SMG1: variants seen among roughly 807,000 people sequenced by gnomAD.
SMG1 encodes SMG1 nonsense mediated mRNA decay associated PI3K related kinase, also known as serine/threonine-protein kinase SMG1.
A neutral mutation model predicts 419.9 loss-of-function variants in SMG1; 22 were observed. The ratio of observed to expected loss-of-function variants is 0.05; its 90% confidence interval spans 0.04 to 0.07. SMG1 has a LOEUF of 0.07. Among genes scored for constraint, SMG1 ranks in the 10% least tolerant of loss-of-function variants. The pLI is 1.00. For missense variants in SMG1, 3,185 were observed against 4,342.0 expected (o/e 0.73, Z 7.49); for synonymous variants, 1,538 against 1,553.5 (o/e 0.99, Z 0.23).
rs901369449 is a variant in SMG1 at position 18,829,643 on chromosome 16, G to A, written c.9246C>T (p.Ile3082=). ...TCACAAAGTCAGCTGTGAATGCCTT[G>A]ATAGGTTTGGCCATTTGGTCTTCAC... The part of the protein sequence containing the change: ...CFSEDQMAKP[I]KAFTADFVRQ... Residue 3082 remains isoleucine, a synonymous_variant, in exon 54 of 63, where the codon ATC becomes ATT. Transcript: ENST00000446231. 2.7e-5 allele frequency: 43 copies of A among 1,613,884 alleles called. No homozygotes were observed. The highest frequency in any genetic ancestry group is 4.0e-5 in the African/African-American group (3 of 74,932).
intron 1 of SMG1, among the ~76,000 whole-genome samples, chr16:18,919,515 T>C (rs2038101445): frequency 6.6e-6 from 1 of 151,310 alleles, no homozygotes; most frequent in African/African-American, 2.4e-5. Flanking sequence ...TCCCAGCTAC[T>C]CAGGAGGATG....
At chr16:18,877,852 T>G (rs2036209016) in intron 11 of SMG1, 1 of 152,192 alleles carries the variant, frequency 6.6e-6, no homozygotes, top group African/African-American at 2.4e-5. Context: ...ATCATGGGCA[T>G]TTTTTCACAT....
chr16:18,859,064 T>G lies in SMG1; in HGVS notation c.4071A>C (p.Ser1357=). 4 of 1,534,336 alleles carry G rather than the reference T, an allele frequency of 2.6e-6. No homozygotes were observed. Among genetic ancestry groups the G allele is most frequent in the Non-Finnish European group, 3.5e-6 (4 of 1,145,882 alleles). Residue 1357 remains serine (S), a synonymous_variant, in exon 28 of 63, where the codon TCA becomes TCC. Coordinates refer to ENST00000446231, the MANE Select transcript of SMG1 (RefSeq NM_015092.5). ...PVLSTLQLYC[S]SALENTVSNR... is the part of the protein sequence containing the mutation. ...TAGAAACTGTGTTCTCCAAAGCAGA[T>G]GAGCAATACAGCTGCAAGGTACTTA...
intron 1 of SMG1, among the ~76,000 whole-genome samples, chr16:18,897,687 A>G (rs1385213109): frequency 1.3e-5 from 2 of 152,154 alleles, no homozygotes; most frequent in Non-Finnish European, 2.9e-5. Flanking sequence ...GCCAAGGGTA[A>G]AAGTGTGTCC....
intron 50 of SMG1, among the ~76,000 whole-genome samples, chr16:18,833,849 T>C (rs1441981544): frequency 1.3e-5 from 2 of 152,320 alleles, no homozygotes; most frequent in South Asian, 4.1e-4. Context: ...CTTTCTTTAC[T>C]CAGCATAATT....
chr16:18,892,990 A>T (rs940769375), intron 3 of SMG1, among the ~76,000 whole-genome samples: 5 of 152,240 alleles, frequency 3.3e-5, no homozygotes, highest in Admixed American at 1.3e-4. Context: ...GTCCATTCCA[A>T]ACTGTTTTCA....
chr16:18,836,667 C>G, intron 46 of SMG1, 135 bp from the exon 47 acceptor site: 2 of 839,348 alleles, frequency 2.4e-6, no homozygotes. Flanking sequence ...CCTCAAATGT[C>G]CCTTACTTCT....
Position 18,884,841 on chromosome 16 carries a change from TA to T in SMG1, c.1021+248del. 3 of 477,996 alleles carry T rather than the reference TA, an allele frequency of 6.3e-6. No homozygotes were observed. In the East Asian group the frequency reaches 1.2e-4, roughly 18 times the overall value. The allele number at this position is 477,996 out of a possible 1,614,324, so 29.6% of individuals were successfully genotyped here. On this transcript the variant is annotated intron_variant, in intron 8 of 62. Transcript: ENST00000446231. ...TTGCCACTACAATATATTCTTACCA[TA>T]CACTTTCCTACCAGTACAAACTACA...
intron 1 of SMG1, among the ~76,000 whole-genome samples, chr16:18,922,354 GT>G (rs894904139): frequency 1.3e-5 from 2 of 151,992 alleles, no homozygotes; most frequent in African/African-American, 4.8e-5. Flanking sequence ...CACCACCCCT[GT>G]TTCTTCATAT....
chr16:18,893,019 C>T (rs4383129), intron 3 of SMG1, among the ~76,000 whole-genome samples: 143,337 of 152,274 alleles, frequency 0.94, 67,630 homozygotes, highest in Non-Finnish European at 0.98. Context: ...GTAAAGAGCC[C>T]GGGTGTAGGT....
intron 1 of SMG1, among the ~76,000 whole-genome samples, chr16:18,921,603 CAATT>C (rs1253242719): frequency 6.6e-6 from 1 of 151,906 alleles, no homozygotes; most frequent in Non-Finnish European, 1.5e-5. Flanking sequence ...GCCAAAACCG[CAATT>C]ACTTTTGCAC....
chr16:18,880,955 C>T (rs1190680521), intron 10 of SMG1, among the ~76,000 whole-genome samples: 1 of 145,232 alleles, frequency 6.9e-6, no homozygotes, highest in Non-Finnish European at 1.5e-5. Flanking sequence ...TGGCACCACC[C>T]CACTTTAAAA....
intron 1 of SMG1, among the ~76,000 whole-genome samples, chr16:18,897,743 C>T (rs1263318898): frequency 6.6e-6 from 1 of 152,034 alleles, no homozygotes; most frequent in Admixed American, 6.6e-5. Context: ...ATAAGTAAAA[C>T]AGAGCTGAGT....
At chr16:18,818,817 CCTTTTTTTTTTTTTT>C in intron 56 of SMG1, among the ~76,000 whole-genome samples, 1 of 119,250 alleles carries the variant, frequency 8.4e-6, no homozygotes, top group Non-Finnish European at 1.9e-5. Context: ...GGCACAAGGT[CCTTTTTTTTTTTTTT>C]TTGAGACAGA....
At chr16:18,839,194 T>C (rs1193605983) in intron 42 of SMG1, among the ~76,000 whole-genome samples, 1 of 152,166 alleles carries the variant, frequency 6.6e-6, no homozygotes, top group Non-Finnish European at 1.5e-5. Context: ...AAAAATTTTT[T>C]TCCTTCTAAC....
chr16:18,893,865 G>C (rs1439072434), intron 3 of SMG1, among the ~76,000 whole-genome samples: 1 of 151,914 alleles, frequency 6.6e-6, no homozygotes, highest in Non-Finnish European at 1.5e-5. Context: ...AGACCTGCCT[G>C]GCCAACGTGG....
At position 18,842,589 on chromosome 16, in the gene SMG1, C is replaced by T. The variant is rs2033986006; in HGVS notation, c.6220-135G>A. 5.1e-6 allele frequency: 4 copies of T among 785,218 alleles called. No homozygotes were observed. In the African/African-American group the frequency reaches 7.0e-5, roughly 14 times the overall value. The allele number at this position is 785,218 out of a possible 1,614,324, so 48.6% of individuals were successfully genotyped here. ...CCTGTAATCCCAGCACTTTGGGAGGCCGAGGTAGGCAGATCACTTGAGTTC... is the reference window on the plus strand; with the variant it reads ...CCTGTAATCCCAGCACTTTGGGAGGTCGAGGTAGGCAGATCACTTGAGTTC... On this transcript the variant is annotated intron_variant, in intron 39 of 62. Transcript: ENST00000446231.
In SMG1 at chr16:18,806,549, C is replaced by T. The variant is rs1359633149; in HGVS notation, c.*3020G>A. 1 of 152,120 alleles carries T rather than the reference C, an allele frequency of 6.6e-6. No individual in the cohort carries two copies. The highest frequency in any genetic ancestry group is 1.5e-5 in the Non-Finnish European group (1 of 68,008). The allele number at this position is 152,120 out of a possible 1,614,324, so 9.4% of individuals were successfully genotyped here. A position where few individuals can be genotyped will look rare whatever the true frequency, so the allele number is the denominator to read the frequency against. On this transcript the variant is annotated 3_prime_UTR_variant, in exon 63 of 63. Coordinates refer to ENST00000446231, the MANE Select transcript of SMG1 (RefSeq NM_015092.5). ...CAAACTTCAAGACACACCAAAGCAA[C>T]AGTAAAAGAGAAATAACTACACAAG...
At chr16:18,809,869 G>C (rs2606558) in intron 62 of SMG1, among the ~76,000 whole-genome samples, 60,307 of 151,634 alleles carry the variant, frequency 0.4, 12,352 homozygotes, top group Non-Finnish European at 0.46. Flanking sequence ...CAGTTATAAA[G>C]ATATGAAAAG....
Sources: allele counts gnomAD v4.1 joint callset (sites outside exome capture counted in the v4.1 genomes callset), GRCh38; gene constraint gnomAD v4.1.1; transcripts MANE v1.5; gene names NCBI Gene and HGNC (gene_info 2026-07-23, HGNC 2026-07-21).